YWHAG: variants seen among roughly 807,000 people sequenced by gnomAD.
YWHAG encodes the protein 14-3-3 protein gamma.
YWHAG carries 1 observed loss-of-function variant against 23.3 expected under a neutral mutation model. That is an observed-to-expected ratio of 0.04 (90% CI 0.02 to 0.20). YWHAG has a LOEUF of 0.20. YWHAG is among the 10% of genes least tolerant of loss of function. YWHAG has a pLI of 1.00. For missense variants in YWHAG, 151 were observed against 338.6 expected (o/e 0.45, Z 4.35); for synonymous variants, 160 against 144.0 (o/e 1.11, Z -0.80).
chr7:76,330,508 T>C (rs575088032), intron 1 of YWHAG, among the ~76,000 whole-genome samples: 1 of 152,330 alleles, frequency 6.6e-6, no homozygotes, highest in African/African-American at 2.4e-5. Context: ...CTGTCAAGTC[T>C]AGGCCTTAGA....
At chr7:76,341,603 G>A (rs1036137785) in intron 1 of YWHAG, among the ~76,000 whole-genome samples, 9 of 151,914 alleles carry the variant, frequency 5.9e-5, no homozygotes, top group Admixed American at 6.6e-5. Context: ...CGATGATCTC[G>A]AAAACATTTT....
intron 1 of YWHAG, among the ~76,000 whole-genome samples, chr7:76,347,208 T>A (rs1803791373): frequency 6.6e-6 from 1 of 152,224 alleles, no homozygotes; most frequent in Non-Finnish European, 1.5e-5. Flanking sequence ...AGGACTCCCA[T>A]CACAACCGTA....
At chr7:76,348,751 G>A (rs62476769) in intron 1 of YWHAG, among the ~76,000 whole-genome samples, 26,151 of 151,570 alleles carry the variant, frequency 0.17, 2,787 homozygotes, top group East Asian at 0.33. Context: ...TGTTGGCCAG[G>A]CTGGTCTCAA....
At chr7:76,345,767 T>C (rs551077848) in intron 1 of YWHAG, among the ~76,000 whole-genome samples, 11 of 152,020 alleles carry the variant, frequency 7.2e-5, no homozygotes, top group Non-Finnish European at 1.2e-4. Flanking sequence ...GAAACCCGTC[T>C]CTACTAAAAA....
intron 1 of YWHAG, among the ~76,000 whole-genome samples, chr7:76,332,250 G>A (rs898383034): frequency 2.0e-5 from 3 of 152,132 alleles, no homozygotes; most frequent in South Asian, 2.1e-4. Flanking sequence ...CGGCACTTCT[G>A]CAAACACTCC....
At chr7:76,332,520 GTC>G (rs1473445341) in intron 1 of YWHAG, among the ~76,000 whole-genome samples, 1 of 152,044 alleles carries the variant, frequency 6.6e-6, no homozygotes, top group East Asian at 1.9e-4. Context: ...AAATAAGAAA[GTC>G]TTTTTTTGTT....
intron 1 of YWHAG, among the ~76,000 whole-genome samples, chr7:76,348,820 G>C (rs115795972): frequency 6.6e-6 from 1 of 152,032 alleles, no homozygotes; most frequent in African/African-American, 2.4e-5. Context: ...GAATACAGGC[G>C]TGAGTCAGCC....
Position 76,338,043 on chromosome 7 carries a change from T to A in YWHAG, c.88-7810A>T, listed in dbSNP as rs925348092. Reference sequence around the variant, plus strand: ...TGGCCACTACTTATCAAATAATTAATTCATCAAGCATCCATGGACCATCTA... The same window carrying A: ...TGGCCACTACTTATCAAATAATTAAATCATCAAGCATCCATGGACCATCTA... On this transcript the variant is annotated intron_variant, in intron 1 of 1. Coordinates refer to ENST00000307630, the MANE Select transcript of YWHAG (RefSeq NM_012479.4). Among the ~76,000 whole-genome samples the A allele has an allele frequency of 5.3e-5, 8 of 151,888 alleles. 1 individual carries two copies. Among genetic ancestry groups the A allele is most frequent in the South Asian group, 2.1e-4 (1 of 4,814 alleles).
At chr7:76,353,131 ATTTTTAT>A in intron 1 of YWHAG, among the ~76,000 whole-genome samples, 1 of 152,318 alleles carries the variant, frequency 6.6e-6, no homozygotes, top group Middle Eastern at 3.4e-3. Context: ...AAGATTTACA[ATTTTTAT>A]TTTTTCTACA....
Position 76,330,174 on chromosome 7 carries a change from G to A in YWHAG, c.147C>T (p.Tyr49=). The A allele has an allele frequency of 2.5e-6, 4 of 1,611,888 alleles. No homozygotes were observed. The highest frequency in any genetic ancestry group is 1.1e-5 in the South Asian group (1 of 90,956). The change falls in exon 2 of 2, where the codon TAC becomes TAT. Residue 49 remains tyrosine (Y), a synonymous_variant. Transcript: ENST00000307630. Reference sequence around the variant, plus strand: ...AGCGGCGTGCCCCCACAACGTTCTTGTAGGCCACAGACAGAAGGTTTCGTT... The same window carrying A: ...AGCGGCGTGCCCCCACAACGTTCTTATAGGCCACAGACAGAAGGTTTCGTT... ...NEERNLLSVA[Y]KNVVGARRSS... is the part of the protein sequence containing the mutation.
intron 1 of YWHAG, among the ~76,000 whole-genome samples, chr7:76,353,594 T>C (rs1327738154): frequency 1.3e-5 from 2 of 152,320 alleles, no homozygotes; most frequent in African/African-American, 4.8e-5. Context: ...TATCAAAATT[T>C]TCAAGATTTC....
At chr7:76,345,302 C>T (rs1444860877) in intron 1 of YWHAG, among the ~76,000 whole-genome samples, 1 of 151,402 alleles carries the variant, frequency 6.6e-6, no homozygotes, top group East Asian at 2.0e-4. Context: ...TCTCCTGTCT[C>T]AGTCCCCCGA....
At chr7:76,335,077 G>C (rs1803597186) in intron 1 of YWHAG, among the ~76,000 whole-genome samples, 1 of 151,504 alleles carries the variant, frequency 6.6e-6, no homozygotes, top group Non-Finnish European at 1.5e-5. Flanking sequence ...TATTTTTTTT[G>C]AGATGGAGTC....
intron 1 of YWHAG, 85 bp from the exon 2 acceptor site, chr7:76,330,318 C>T: frequency 7.2e-7 from 1 of 1,380,968 alleles, no homozygotes; most frequent in Middle Eastern, 1.9e-4. Flanking sequence ...GAACAGAGCT[C>T]TGTTGAGTAA....
intron 1 of YWHAG, among the ~76,000 whole-genome samples, chr7:76,353,934 G>C (rs1180504072): frequency 6.6e-6 from 1 of 151,892 alleles, no homozygotes; most frequent in African/African-American, 2.4e-5. Flanking sequence ...ATAGCCAGGT[G>C]TGGTAGCATG....
chr7:76,354,344 C>CT (rs1264920877), intron 1 of YWHAG, among the ~76,000 whole-genome samples: 1 of 151,874 alleles, frequency 6.6e-6, no homozygotes, highest in African/African-American at 2.4e-5. Context: ...AACCCTGTCT[C>CT]TATCAAAACT....
In YWHAG at chr7:76,358,737, G is replaced by T; in HGVS notation, c.72C>A (p.Ala24=). The T allele has an allele frequency of 6.3e-7, 1 of 1,591,444 alleles. No individual in the cohort carries two copies. Among genetic ancestry groups the T allele is most frequent in the Non-Finnish European group, 8.5e-7 (1 of 1,170,448 alleles). ...AEQAERYDDM[A]AAMKNVTELN... ...AGACACTCACGTTCTTCATGGCCGC[G>T]GCCATGTCGTCGTAGCGCTCCGCCT... Residue 24 remains alanine (A), a synonymous_variant, in exon 1 of 2, where the codon GCC becomes GCA. Transcript: ENST00000307630.
In YWHAG at chr7:76,343,113, G is replaced by A. The variant is rs1216592968; in HGVS notation, c.88-12880C>T. ...GATTGCACCATTGCACTCCAGCCTG[G>A]GTGACAGAGCAAGACTCCATCTCAA... On this transcript the variant is annotated intron_variant, in intron 1 of 1. Coordinates refer to ENST00000307630, the MANE Select transcript of YWHAG (RefSeq NM_012479.4). 2.0e-5 allele frequency among the ~76,000 whole-genome samples: 3 copies of A among 152,090 alleles called. No homozygotes were observed. The East Asian group carries it at 5.8e-4, about 29-fold the overall frequency.
chr7:76,331,234 T>G (rs1265681603), intron 1 of YWHAG, among the ~76,000 whole-genome samples: 1 of 151,790 alleles, frequency 6.6e-6, no homozygotes, highest in Non-Finnish European at 1.5e-5. Flanking sequence ...TTCTCCCACC[T>G]CTGCCTACCG....
Sources: gnomAD v4.1 joint callset for allele counts (sites outside exome capture counted in the v4.1 genomes callset) on GRCh38, gnomAD v4.1.1 for gene constraint, MANE v1.5 for transcripts, NCBI Gene and HGNC (gene_info 2026-07-23, HGNC 2026-07-21) for gene names.